The following MVB12B variants were observed in gnomAD, a reference collection of about 807,000 sequenced individuals.
MVB12B encodes the protein multivesicular body subunit 12B, also known as ESCRT-I complex subunit MVB12B.
MVB12B carries 16 observed loss-of-function variants against 41.6 expected under a neutral mutation model. The ratio of observed to expected loss-of-function variants is 0.38; its 90% CI spans 0.26 to 0.58. The LOEUF is 0.58. Among genes scored for constraint, MVB12B ranks in the 20% least tolerant of loss-of-function variants. The probability of loss-of-function intolerance (pLI) is 0.62; values close to 1 mark genes in which losing one functional copy is unlikely to be tolerated. For missense variants in MVB12B, 274 were observed against 380.2 expected (o/e 0.72, Z 2.32); for synonymous variants, 133 against 139.7 (o/e 0.95, Z 0.34).
rs535748796 is a variant in MVB12B at position 126,484,160 on chromosome 9, GAA to G, written c.873+132_873+133del. On this transcript the variant is annotated intron_variant, in intron 9 of 9. Transcript: ENST00000361171. ...GTGGAGGTGTTCCGTTCTCTTCTGAGAAAAACACTTTCGTTGCACCCAAATGT... is the reference window on the plus strand; with the variant it reads ...GTGGAGGTGTTCCGTTCTCTTCTGAGAAACACTTTCGTTGCACCCAAATGT... 111 of 808,704 alleles carry G rather than the reference GAA, an allele frequency of 1.4e-4. 1 individual carries two copies. The highest frequency in any genetic ancestry group is 2.2e-4 in the Non-Finnish European group (109 of 498,486). 50.1% of individuals were successfully genotyped at this position (808,704 alleles called of 1,614,324 possible).
At chr9:126,439,267 G>A (rs752546990) in intron 7 of MVB12B, among the ~76,000 whole-genome samples, 3 of 151,316 alleles carry the variant, frequency 2.0e-5, no homozygotes, top group South Asian at 4.2e-4. Context: ...CACAGGGTCC[G>A]CTGGGGGTGG....
intron 7 of MVB12B, among the ~76,000 whole-genome samples, chr9:126,476,672 C>T (rs1246012388): frequency 3.3e-5 from 5 of 151,818 alleles, no homozygotes; most frequent in Admixed American, 2.6e-4. Flanking sequence ...GTCAGGAGAT[C>T]GAGACCATCC....
intron 6 of MVB12B, among the ~76,000 whole-genome samples, chr9:126,414,639 A>G (rs1831755506): frequency 2.0e-5 from 3 of 152,038 alleles, no homozygotes; most frequent in Admixed American, 2.0e-4. Context: ...CTAAGTAGAG[A>G]CAGTTTCTCG....
intron 1 of MVB12B, chr9:126,335,341 A>T: frequency 7.7e-7 from 1 of 1,304,280 alleles, no homozygotes; most frequent in Non-Finnish European, 1.0e-6. Context: ...GGGTGGCCCC[A>T]AAGCCAGCTG....
chr9:126,406,982 C>T (rs988364448), intron 6 of MVB12B, among the ~76,000 whole-genome samples: 2 of 152,174 alleles, frequency 1.3e-5, no homozygotes, highest in African/African-American at 2.4e-5. Context: ...TTTAAATCTT[C>T]CTAGGCTGAG....
intron 7 of MVB12B, among the ~76,000 whole-genome samples, chr9:126,433,966 A>T (rs555092449): frequency 2.0e-5 from 3 of 152,080 alleles, no homozygotes; most frequent in Non-Finnish European, 4.4e-5. Context: ...ACTTGGGGAG[A>T]AGTTGAACAG....
At chr9:126,338,455 G>T (rs1829348466) in intron 1 of MVB12B, among the ~76,000 whole-genome samples, 1 of 152,096 alleles carries the variant, frequency 6.6e-6, no homozygotes, top group African/African-American at 2.4e-5. Flanking sequence ...AGGGGATGTG[G>T]CAATGAATCC....
In MVB12B at chr9:126,389,944, A is replaced by T. The variant is rs953976402; in HGVS notation, c.410-2122A>T. 1.3e-5 allele frequency among the ~76,000 whole-genome samples: 2 copies of T among 152,178 alleles called. No individual in the cohort carries two copies. The highest frequency in any genetic ancestry group is 2.9e-5 in the Non-Finnish European group (2 of 68,034). ...TTCTGTGCCTGAGGAACCCACAGTT[A>T]TCTGACTCTTTAAAAAACAACCCTA... On this transcript the variant is annotated intron_variant, in intron 4 of 9. Transcript: ENST00000361171. The surrounding 1 kb of genome is among the most constrained non-coding windows in gnomAD (Gnocchi z 4.4).
chr9:126,430,710 A>T (rs1174296420), intron 7 of MVB12B, among the ~76,000 whole-genome samples: 2 of 151,398 alleles, frequency 1.3e-5, no homozygotes, highest in African/African-American at 4.9e-5. Context: ...TGCTGCCCTG[A>T]TAGGGCATTT....
rs748995734 is a variant in MVB12B, at chr9:126,340,607, C to T, written c.181C>T (p.Arg61Ter). The T allele has an allele frequency of 3.7e-6, 6 of 1,614,120 alleles. No individual in the cohort carries two copies. The highest frequency in any genetic ancestry group is 1.1e-5 in the South Asian group (1 of 91,072). The change falls in exon 2 of 10, where the codon CGA becomes TGA. Residue 61 changes from arginine to a stop codon, truncating the protein, a stop_gained. Coordinates refer to ENST00000361171, the MANE Select transcript of MVB12B (RefSeq NM_033446.3). LOFTEE classifies it high-confidence loss of function. This position sits in a 1 kb window ranked among gnomAD's most constrained non-coding sequence, Gnocchi z 4.0. ...TGVGVVASRNRAPTGYDVVAQ... is the reference protein window; with the variant it reads ...TGVGVVASRN The stretch of plus-strand genomic sequence containing the variant: ...AGTCGGGGTGGTGGCTTCTCGGAAC[C>T]GAGCCCCGACAGGCTATGACGTAGT...
At chr9:126,339,162 G>A (rs974144632) in intron 1 of MVB12B, among the ~76,000 whole-genome samples, 1 of 152,214 alleles carries the variant, frequency 6.6e-6, no homozygotes, top group African/African-American at 2.4e-5. Flanking sequence ...CTTTTTGTGG[G>A]TTCCACTGAC....
At chr9:126,460,180 C>T (rs1833060610) in intron 7 of MVB12B, among the ~76,000 whole-genome samples, 1 of 152,114 alleles carries the variant, frequency 6.6e-6, no homozygotes, top group African/African-American at 2.4e-5. Flanking sequence ...CTGCTCAGAC[C>T]TCCTCGGCAG....
chr9:126,415,029 C>T (rs906370173), intron 6 of MVB12B, among the ~76,000 whole-genome samples: 14 of 151,990 alleles, frequency 9.2e-5, no homozygotes, highest in South Asian at 2.1e-4. Context: ...CACTCCCAGC[C>T]GGCCTCTCGG....
At chr9:126,448,647 G>A (rs1832837398) in intron 7 of MVB12B, among the ~76,000 whole-genome samples, 1 of 152,158 alleles carries the variant, frequency 6.6e-6, no homozygotes, top group Non-Finnish European at 1.5e-5. Context: ...AGGCAAAGGG[G>A]AAGCCGATGT....
chr9:126,328,761 GTTTC>G (rs1564274404), intron 1 of MVB12B, among the ~76,000 whole-genome samples: 3 of 151,832 alleles, frequency 2.0e-5, no homozygotes, highest in South Asian at 2.1e-4. Context: ...TATTTTTAGA[GTTTC>G]TTTCTGTCTG....
In MVB12B at chr9:126,389,262, AACAGAGGAGCCCAAGCTGGCC is replaced by A. The variant is rs1364856072; in HGVS notation, c.409+2608_409+2628del. On this transcript the variant is annotated intron_variant, in intron 4 of 9. Coordinates refer to ENST00000361171, the MANE Select transcript of MVB12B (RefSeq NM_033446.3). This position sits in a 1 kb window ranked among gnomAD's most constrained non-coding sequence, Gnocchi z 4.4. ...ATTTCCTGGAGCTTTTCACCCAGGG[AACAGAGGAGCCCAAGCTGGCC>A]ACATAAGCCTTATGATCAGCTCTGT... Among the ~76,000 whole-genome samples, 1 of 152,066 alleles carries A rather than the reference AACAGAGGAGCCCAAGCTGGCC, an allele frequency of 6.6e-6. No homozygotes were observed. The highest frequency in any genetic ancestry group is 1.5e-5 in the Non-Finnish European group (1 of 68,020).
intron 2 of MVB12B, among the ~76,000 whole-genome samples, chr9:126,351,078 T>A (rs1179010242): frequency 6.6e-6 from 1 of 152,230 alleles, no homozygotes; most frequent in Non-Finnish European, 1.5e-5. Context: ...GTTTTGTAGT[T>A]TTCAGCAAAC....
chr9:126,503,328 CCCCGCCTCCTCCT>C lies in MVB12B; in HGVS notation c.*66_*78del, dbSNP rs1834002441. The C allele has an allele frequency of 7.4e-7, 1 of 1,358,250 alleles. No homozygotes were observed. Among genetic ancestry groups the C allele is most frequent in the South Asian group, 1.3e-5 (1 of 78,514 alleles). 84.1% of individuals were successfully genotyped at this position (1,358,250 alleles called of 1,614,324 possible). ...GACTACTGACGGCAGGGGCTGCTGC[CCCCGCCTCCTCCT>C]GCCGCCTCCGCCAGCCCTCCCTCCC... On this transcript the variant is annotated 3_prime_UTR_variant, in exon 10 of 10. Transcript: ENST00000361171.
chr9:126,488,488 T>C (rs1243345283), intron 9 of MVB12B, among the ~76,000 whole-genome samples: 1 of 152,164 alleles, frequency 6.6e-6, no homozygotes, highest in African/African-American at 2.4e-5. Flanking sequence ...GTGGAGAGCC[T>C]GGCATCCAGG....
Sources: gnomAD v4.1 joint callset for allele counts (sites outside exome capture counted in the v4.1 genomes callset) on GRCh38, gnomAD v4.1.1 for gene constraint, Gnocchi (gnomAD v3.1) non-coding constraint, MANE v1.5 for transcripts, NCBI Gene and HGNC (gene_info 2026-07-23, HGNC 2026-07-21) for gene names.